The following POTEJ variants were observed in gnomAD, a reference collection of about 807,000 sequenced individuals.
POTEJ encodes the protein POTE ankyrin domain family, member J.
Under a neutral mutation model 69.0 loss-of-function variants are expected in POTEJ, and 11 were observed. That is an observed-to-expected ratio of 0.16 (90% CI 0.10 to 0.26). The LOEUF is 0.26. Ranked by LOEUF, POTEJ falls within the 10% of genes least tolerant of loss-of-function variation. POTEJ has a pLI of 1.00. For synonymous variants in POTEJ, 117 were observed against 381.1 expected (o/e 0.31, Z 8.07); for missense variants, 327 against 1,045.5 (o/e 0.31, Z 9.48).
At chr2:130,629,101 C>T (rs1371607583) in intron 6 of POTEJ, among the ~76,000 whole-genome samples, 2 of 151,962 alleles carry the variant, frequency 1.3e-5, no homozygotes, top group Non-Finnish European at 2.9e-5. Context: ...AGACATTGTA[C>T]ACTAATAAAG....
At chr2:130,654,442 T>TAA (rs1295369844) in intron 13 of POTEJ, among the ~76,000 whole-genome samples, 3 of 134,454 alleles carry the variant, frequency 2.2e-5, no homozygotes, top group Non-Finnish European at 4.8e-5. Context: ...TAGATTGTCC[T>TAA]GAGTGTGACC....
At chr2:130,645,973 C>T in intron 12 of POTEJ, among the ~76,000 whole-genome samples, 156 bp from the exon 13 acceptor site, 1 of 132,296 alleles carries the variant, frequency 7.6e-6, no homozygotes, top group East Asian at 2.0e-4. Context: ...GCTATTCTTT[C>T]ATTATTATGG....
At chr2:130,628,282 G>T (rs796403422) in intron 6 of POTEJ, among the ~76,000 whole-genome samples, 1 of 136,254 alleles carries the variant, frequency 7.3e-6, no homozygotes, top group African/African-American at 3.1e-5. Flanking sequence ...CACTCATCCT[G>T]CTATTGTAGG....
intron 9 of POTEJ, among the ~76,000 whole-genome samples, chr2:130,632,978 A>G (rs1184219790): frequency 6.8e-6 from 1 of 147,800 alleles, no homozygotes; most frequent in Non-Finnish European, 1.5e-5. Flanking sequence ...ACGGCAGATT[A>G]TTTCATCAGC....
At chr2:130,613,385 T>TGTATATAC (rs1685310262) in intron 1 of POTEJ, among the ~76,000 whole-genome samples, 1 of 72,996 alleles carries the variant, frequency 1.4e-5, no homozygotes, top group Admixed American at 1.2e-4. Context: ...TGTGTGTGTG[T>TGTATATAC]ATATATATAT....
chr2:130,639,001 G>C (rs71236645), intron 10 of POTEJ, among the ~76,000 whole-genome samples: 145 of 151,968 alleles, frequency 9.5e-4, no homozygotes, highest in African/African-American at 2.6e-3. Flanking sequence ...GATTCTCATA[G>C]GAAGCACACA....
chr2:130,650,127 A>C (rs1395763858), intron 13 of POTEJ, among the ~76,000 whole-genome samples: 1 of 152,282 alleles, frequency 6.6e-6, no homozygotes, highest in African/African-American at 2.4e-5. Context: ...AATTGAGGGA[A>C]GTTTCAATGA....
At chr2:130,641,207 G>A (rs1686358728) in intron 10 of POTEJ, among the ~76,000 whole-genome samples, 1 of 152,128 alleles carries the variant, frequency 6.6e-6, no homozygotes, top group African/African-American at 2.4e-5. Flanking sequence ...GGGATTGATG[G>A]GAGATAATCA....
rs561289565 is a variant in POTEJ, at chr2:130,655,557, C to G, written c.1788+516C>G. Among the ~76,000 whole-genome samples the G allele has an allele frequency of 9.2e-5, 14 of 152,332 alleles. No homozygotes were observed. In the South Asian group the frequency reaches 2.7e-3, roughly 29 times the overall value. On this transcript the variant is annotated intron_variant, in intron 14 of 14. Coordinates refer to ENST00000409602, the MANE Select transcript of POTEJ (RefSeq NM_001277083.2). ...GAAAACAATGACATGCCATGATACA[C>G]ATTTAGTAATAATTTATTGATAAGT...
At chr2:130,645,636 G>A in intron 11 of POTEJ, 101 bp from the exon 12 acceptor site, 1 of 276,958 alleles carries the variant, frequency 3.6e-6, no homozygotes, top group Non-Finnish European at 7.3e-6. Flanking sequence ...GTCCATACTT[G>A]ATTACTTCAG....
chr2:130,657,073 C>A lies in POTEJ; in HGVS notation c.2313C>A (p.Ala771=), dbSNP rs781552888. 12 of 1,580,670 alleles carry A rather than the reference C, an allele frequency of 7.6e-6. 2 individuals are homozygous for A. Among genetic ancestry groups the A allele is most frequent in the Admixed American group, 1.7e-5 (1 of 59,088 alleles). Residue 771 remains alanine (A), a synonymous_variant, in exon 15 of 15, where the codon GCC becomes GCA. Transcript: ENST00000409602. Reference sequence around the variant, plus strand: ...AGCACCCCATCCTGCTGACCGAGGCCCCCCTGAACCCCAAGGCCAACCGCG... The same window carrying A: ...AGCACCCCATCCTGCTGACCGAGGCACCCCTGAACCCCAAGGCCAACCGCG... The part of the protein sequence containing the change: ...PEEHPILLTE[A]PLNPKANREK...
upstream of POTEJ, among the ~76,000 whole-genome samples, chr2:130,611,107 T>TAC (rs1246089627): frequency 6.7e-6 from 1 of 150,104 alleles, no homozygotes; most frequent in Non-Finnish European, 1.5e-5. Context: ...GGGTAACTGC[T>TAC]TGGCTGGCCT....
chr2:130,632,270 C>T (rs1156915018), intron 8 of POTEJ, among the ~76,000 whole-genome samples: 9 of 148,936 alleles, frequency 6.0e-5, no homozygotes, highest in African/African-American at 2.1e-4. Flanking sequence ...TTCATTGAAA[C>T]AGAAATGAAG....
intron 13 of POTEJ, among the ~76,000 whole-genome samples, chr2:130,649,578 T>A (rs1408022105): frequency 1.3e-5 from 2 of 152,178 alleles, no homozygotes; most frequent in Non-Finnish European, 2.9e-5. Context: ...AAAACATAAG[T>A]CAAATGTTGT....
intron 13 of POTEJ, among the ~76,000 whole-genome samples, chr2:130,650,052 T>G (rs1383437115): frequency 6.6e-6 from 1 of 152,270 alleles, no homozygotes; most frequent in Non-Finnish European, 1.5e-5. Context: ...GAATTAGGAT[T>G]GTATCATCAG....
intron 10 of POTEJ, among the ~76,000 whole-genome samples, chr2:130,642,696 C>A (rs1414529865): frequency 6.6e-6 from 1 of 152,278 alleles, no homozygotes; most frequent in Non-Finnish European, 1.5e-5. Flanking sequence ...AATCTGACTT[C>A]TGCCCCACTC....
At chr2:130,613,382 GTGTATATATA>G (rs1196530762) in intron 1 of POTEJ, among the ~76,000 whole-genome samples, 16 of 85,500 alleles carry the variant, frequency 1.9e-4, no homozygotes, top group African/African-American at 5.1e-4. Flanking sequence ...GTGTGTGTGT[GTGTATATATA>G]TATATATATA....
chr2:130,628,960 C>T (rs1410966356), intron 6 of POTEJ, among the ~76,000 whole-genome samples: 1 of 147,448 alleles, frequency 6.8e-6, no homozygotes, highest in Non-Finnish European at 1.5e-5. Context: ...TCAGAGGTTG[C>T]AGTGAGCTGA....
intron 6 of POTEJ, among the ~76,000 whole-genome samples, chr2:130,626,584 A>T (rs1459345602): frequency 6.6e-6 from 1 of 152,092 alleles, no homozygotes; most frequent in Non-Finnish European, 1.5e-5. Flanking sequence ...CTCCTATAAA[A>T]CTTTATTTAC....
Sources: gnomAD v4.1 joint callset for allele counts (sites outside exome capture counted in the v4.1 genomes callset) on GRCh38, gnomAD v4.1.1 for gene constraint, MANE v1.5 for transcripts, NCBI Gene and HGNC (gene_info 2026-07-23, HGNC 2026-07-21) for gene names.